Variants in RORA observed in about 807,000 individuals in gnomAD.
The protein encoded by RORA is nuclear receptor ROR-alpha.
RORA carries 7 observed loss-of-function variants against 69.5 expected under a neutral mutation model. The observed-to-expected ratio is 0.10, with a 90% CI of 0.06 to 0.19. The LOEUF (loss-of-function observed/expected upper bound fraction) is 0.19, where lower values mean the gene tolerates loss of function less well. Ranked by LOEUF, RORA falls within the 10% of genes least tolerant of loss-of-function variation. The pLI, the probability that RORA is intolerant of heterozygous loss-of-function variation, is 1.00. For missense variants in RORA, 457 were observed against 663.0 expected (o/e 0.69, Z 3.41); for synonymous variants, 261 against 240.8 (o/e 1.08, Z -0.78).
chr15:60,613,541 G>A (rs1479256261), intron 2 of RORA, among the ~76,000 whole-genome samples: 1 of 152,056 alleles, frequency 6.6e-6, no homozygotes, highest in Non-Finnish European at 1.5e-5. Flanking sequence ...GTTGTTCTAC[G>A]ATTCAAATAC....
intron 1 of RORA, among the ~76,000 whole-genome samples, chr15:60,929,454 G>A (rs1440369132): frequency 1.3e-5 from 2 of 152,196 alleles, no homozygotes; most frequent in Non-Finnish European, 2.9e-5. Context: ...ACACTCAAGG[G>A]GAGCAACGAG....
chr15:61,042,776 A>AC (rs1896844408), intron 1 of RORA, among the ~76,000 whole-genome samples: 1 of 152,070 alleles, frequency 6.6e-6, no homozygotes, highest in Non-Finnish European at 1.5e-5. Context: ...CCTTTACTTT[A>AC]TTTACCTCAT....
At chr15:60,984,914 C>A (rs1274813864) in intron 1 of RORA, among the ~76,000 whole-genome samples, 1 of 149,260 alleles carries the variant, frequency 6.7e-6, no homozygotes, top group Non-Finnish European at 1.5e-5. Flanking sequence ...GGAACTAGTT[C>A]TTCACTATAG....
intron 1 of RORA, among the ~76,000 whole-genome samples, chr15:61,188,632 GA>G (rs939475207): frequency 1.3e-4 from 20 of 152,086 alleles, no homozygotes; most frequent in African/African-American, 4.8e-4. Context: ...AATCATTAAT[GA>G]TTTAAAAATA....
At chr15:61,092,332 T>C (rs970075421) in intron 1 of RORA, among the ~76,000 whole-genome samples, 4 of 152,192 alleles carry the variant, frequency 2.6e-5, no homozygotes, top group African/African-American at 9.6e-5. Context: ...ACTTCTAGTT[T>C]TTAGGTCTCT....
intron 1 of RORA, among the ~76,000 whole-genome samples, chr15:61,179,962 C>T (rs1018563004): frequency 2.7e-5 from 4 of 150,000 alleles, no homozygotes; most frequent in African/African-American, 9.8e-5. Flanking sequence ...CCCAGTGAAA[C>T]CCGTTTCTAC....
At chr15:60,855,985 T>C (rs965458489) in intron 1 of RORA, among the ~76,000 whole-genome samples, 1 of 149,090 alleles carries the variant, frequency 6.7e-6, no homozygotes, top group Non-Finnish European at 1.5e-5. Flanking sequence ...TGTAGATTTC[T>C]GGGCTAACCT....
intron 1 of RORA, among the ~76,000 whole-genome samples, chr15:61,154,282 G>A (rs544319892): frequency 6.6e-6 from 1 of 152,240 alleles, no homozygotes; most frequent in South Asian, 2.1e-4. Context: ...AAGATAGGAA[G>A]GACCCACAGG....
intron 2 of RORA, among the ~76,000 whole-genome samples, chr15:60,561,079 T>G (rs2067534121): frequency 1.5e-5 from 2 of 129,774 alleles, no homozygotes; most frequent in African/African-American, 8.0e-5. Context: ...TTGTTTTGTT[T>G]TTGTTTTTTT....
At chr15:61,033,046 G>A (rs1398501645) in intron 1 of RORA, among the ~76,000 whole-genome samples, 24 of 152,152 alleles carry the variant, frequency 1.6e-4, no homozygotes, top group Admixed American at 1.5e-3. Flanking sequence ...GCGGGGAACA[G>A]ATTCAGATCT....
intron 3 of RORA, among the ~76,000 whole-genome samples, chr15:60,516,481 T>G (rs2065964287): frequency 6.6e-6 from 1 of 150,896 alleles, no homozygotes; most frequent in East Asian, 1.9e-4. Flanking sequence ...GTCATTTCCA[T>G]GAAGCAAAGC....
Position 60,607,252 on chromosome 15 carries a change from A to G in RORA, c.196+71405T>C, listed in dbSNP as rs1285435259. ...TGTATTACAGCATACTGTACACACC[A>G]TAATAATTAATGGTTATAATGACTT... On this transcript the variant is annotated intron_variant, in intron 2 of 10. Coordinates refer to ENST00000335670, the MANE Select transcript of RORA (RefSeq NM_134261.3). 2.6e-5 allele frequency among the ~76,000 whole-genome samples: 4 copies of G among 152,218 alleles called. 1 individual carries two copies. Among genetic ancestry groups the G allele is most frequent in the African/African-American group, 7.2e-5 (3 of 41,462 alleles).
At chr15:60,887,349 G>A (rs958741395) in intron 1 of RORA, among the ~76,000 whole-genome samples, 2 of 152,150 alleles carry the variant, frequency 1.3e-5, no homozygotes, top group Non-Finnish European at 2.9e-5. Context: ...GTCATGGGGG[G>A]TGCATGCCTG....
intron 1 of RORA, among the ~76,000 whole-genome samples, chr15:60,837,199 A>T (rs1318692501): frequency 2.0e-5 from 3 of 151,962 alleles, no homozygotes; most frequent in Non-Finnish European, 4.4e-5. Context: ...GGCCCTCTTG[A>T]ACTTTGTCTT....
chr15:60,742,484 T>G (rs547065207), intron 1 of RORA, among the ~76,000 whole-genome samples: 1 of 152,338 alleles, frequency 6.6e-6, no homozygotes, highest in Non-Finnish European at 1.5e-5. Context: ...ACAGACATCA[T>G]TTTTGTGATG....
intron 1 of RORA, among the ~76,000 whole-genome samples, chr15:61,221,630 G>A (rs749119054): frequency 1.3e-5 from 2 of 151,854 alleles, no homozygotes; most frequent in African/African-American, 2.4e-5. Flanking sequence ...TTTCACACAC[G>A]CCTACCACTT....
intron 1 of RORA, among the ~76,000 whole-genome samples, chr15:60,883,353 T>C (rs2073713736): frequency 1.3e-5 from 2 of 152,190 alleles, no homozygotes; most frequent in African/African-American, 4.8e-5. Context: ...ATTAAATATC[T>C]AAAATATGGC....
chr15:60,840,519 A>T lies in RORA; in HGVS notation c.167-161833T>A, dbSNP rs374123209. On this transcript the variant is annotated intron_variant, in intron 1 of 10. Transcript: ENST00000335670. The stretch of plus-strand genomic sequence containing the variant: ...ACCCTGTCCCCACTCTCACCAGCAG[A>T]GGCTTGGCTCTGGGAAAGATGGTTC... Among the ~76,000 whole-genome samples, 52 of 152,364 alleles carry T rather than the reference A, an allele frequency of 3.4e-4. 1 individual carries two copies. In the South Asian group the frequency reaches 9.7e-3, roughly 29 times the overall value.
intron 1 of RORA, among the ~76,000 whole-genome samples, chr15:60,944,420 C>T (rs1892800157): frequency 1.3e-5 from 2 of 152,004 alleles, no homozygotes; most frequent in Non-Finnish European, 2.9e-5. Context: ...AAACCGTATA[C>T]AATAAGCAGC....
Sources: allele counts gnomAD v4.1 joint callset (sites outside exome capture counted in the v4.1 genomes callset), GRCh38; gene constraint gnomAD v4.1.1; transcripts MANE v1.5; gene names NCBI Gene and HGNC (gene_info 2026-07-23, HGNC 2026-07-21).